MICU2: variants seen among roughly 807,000 people sequenced by gnomAD.
The protein encoded by MICU2 is calcium uptake protein 2, mitochondrial.
MICU2 carries 64 observed loss-of-function variants against 60.4 expected under a neutral mutation model. The ratio of observed to expected loss-of-function variants is 1.06; its 90% CI spans 0.87 to 1.31. MICU2 has a LOEUF of 1.31. Ranked by LOEUF, MICU2 falls within the 50% of genes most tolerant of loss-of-function variation. The pLI, the probability that MICU2 is intolerant of heterozygous loss-of-function variation, is 0.00. For missense variants in MICU2, 569 were observed against 531.0 expected, an observed-to-expected ratio of 1.07 and a Z score of -0.70; for synonymous variants, 201 against 175.0, an observed-to-expected ratio of 1.15 and a Z score of -1.17.
At chr13:21,574,514 T>G (rs1450093270) in intron 1 of MICU2, among the ~76,000 whole-genome samples, 1 of 152,198 alleles carries the variant, frequency 6.6e-6, no homozygotes. Flanking sequence ...GTTTATTGCC[T>G]CTAAAGCAAC....
intron 2 of MICU2, among the ~76,000 whole-genome samples, chr13:21,562,460 CTT>C (rs1269756574): frequency 1.3e-5 from 2 of 152,064 alleles, no homozygotes; most frequent in Non-Finnish European, 2.9e-5. Context: ...GTCTTCCACT[CTT>C]TTTTTGCCTT....
intron 2 of MICU2, among the ~76,000 whole-genome samples, chr13:21,549,537 A>G (rs4770172): frequency 0.35 from 53,067 of 151,884 alleles, 9,627 homozygotes; most frequent in South Asian, 0.41. Flanking sequence ...CCTAATTACA[A>G]CCCTTTCAGA....
intron 9 of MICU2, among the ~76,000 whole-genome samples, chr13:21,502,184 ATATT>A (rs1193986309): frequency 5.3e-5 from 8 of 151,912 alleles, no homozygotes; most frequent in African/African-American, 1.9e-4. Context: ...TAATTGTTAT[ATATT>A]TATCTTGCAG....
chr13:21,522,719 T>A, intron 4 of MICU2, 69 bp from the exon 5 acceptor site: 2 of 1,167,566 alleles, frequency 1.7e-6, no homozygotes, highest in Non-Finnish European at 2.4e-6. Flanking sequence ...ACATTAACAT[T>A]GAAATTTCAC....
Position 21,604,096 on chromosome 13 carries a change from A to G in MICU2, c.53T>C (p.Leu18Pro). The change falls in exon 1 of 12, where the codon CTG becomes CCG. Residue 18 changes from leucine to proline, a missense_variant. By Grantham distance (98) the Leu-to-Pro change is moderately conservative (BLOSUM62 -3). Coordinates refer to ENST00000382374, the MANE Select transcript of MICU2 (RefSeq NM_152726.3). Reference sequence around the variant, plus strand: ...TCGGCTGACAGCGAGCCCCCGTCGCAGTTTTCCGCCCCAGGCCGCCACCCG... The same window carrying G: ...TCGGCTGACAGCGAGCCCCCGTCGCGGTTTTCCGCCCCAGGCCGCCACCCG... ...CARVAAWGGK[L>P]RRGLAVSRQA... The G allele has an allele frequency of 6.3e-7, 1 of 1,592,212 alleles. No homozygotes were observed. Among genetic ancestry groups the G allele is most frequent in the Non-Finnish European group, 8.5e-7 (1 of 1,171,172 alleles).
intron 1 of MICU2, among the ~76,000 whole-genome samples, chr13:21,599,329 A>C (rs1202711167): frequency 6.6e-6 from 1 of 152,268 alleles, no homozygotes; most frequent in African/African-American, 2.4e-5. Flanking sequence ...ATCAAGGCTT[A>C]AGAATGAAGC....
chr13:21,503,085 A>G lies in MICU2; in HGVS notation c.774T>C (p.Asn258=), dbSNP rs1217155986. The G allele has an allele frequency of 1.3e-6, 2 of 1,594,436 alleles. No individual in the cohort carries two copies. The highest frequency in any genetic ancestry group is 1.7e-6 in the Non-Finnish European group (2 of 1,172,970). Residue 258 remains asparagine (N), a synonymous_variant, in exon 9 of 12, where the codon AAT becomes AAC. Transcript: ENST00000382374. ...CCATTTCTTGAATCTCTGTTTGTAA[A>G]TTTTCCATAAATCTGAATGTTAAAA... The part of the protein sequence containing the change: ...HYKEFRRFME[N]LQTEIQEMEF...
chr13:21,533,353 T>C (rs1448985982), intron 4 of MICU2, among the ~76,000 whole-genome samples: 14 of 150,288 alleles, frequency 9.3e-5, no homozygotes. Context: ...AGGCAGAGTC[T>C]TGCTCTGTCT....
intron 4 of MICU2, among the ~76,000 whole-genome samples, chr13:21,533,256 A>G (rs1887046960): frequency 6.6e-6 from 1 of 151,992 alleles, no homozygotes; most frequent in South Asian, 2.1e-4. Context: ...TTTAATAATT[A>G]TCTTTATGAT....
intron 1 of MICU2, among the ~76,000 whole-genome samples, chr13:21,592,986 T>C (rs7998842): frequency 0.023 from 3,456 of 152,298 alleles, 138 homozygotes; most frequent in African/African-American, 0.08. Flanking sequence ...TCACCACTCG[T>C]ATTCAACAGA....
chr13:21,531,330 C>G (rs1192444809), intron 4 of MICU2: 1 of 1,550,548 alleles, frequency 6.4e-7, no homozygotes, highest in East Asian at 2.2e-5. Context: ...GCAATAACAC[C>G]AACCCGAAAA....
At chr13:21,548,240 A>C (rs1199356082) in intron 2 of MICU2, among the ~76,000 whole-genome samples, 1 of 152,204 alleles carries the variant, frequency 6.6e-6, no homozygotes, top group Non-Finnish European at 1.5e-5. Flanking sequence ...ACTTTGTAAA[A>C]AGAAATGTGT....
chr13:21,539,128 T>A (rs753810294), intron 4 of MICU2, among the ~76,000 whole-genome samples, 174 bp downstream of exon 4: 3 of 152,182 alleles, frequency 2.0e-5, no homozygotes, highest in Non-Finnish European at 4.4e-5. Context: ...AAAACATTGA[T>A]GTTTTAATAA....
intron 4 of MICU2, among the ~76,000 whole-genome samples, chr13:21,525,093 A>G (rs1057031773): frequency 2.0e-5 from 3 of 151,802 alleles, no homozygotes; most frequent in African/African-American, 7.3e-5. Flanking sequence ...TGGTGTACAA[A>G]TATTTATCTA....
At chr13:21,550,981 T>C (rs1887546097) in intron 2 of MICU2, among the ~76,000 whole-genome samples, 2 of 152,340 alleles carry the variant, frequency 1.3e-5, no homozygotes, top group South Asian at 2.1e-4. Flanking sequence ...TATTCACTTA[T>C]GTGTGTGGAC....
intron 1 of MICU2, among the ~76,000 whole-genome samples, chr13:21,579,540 CTA>C (rs1479610830): frequency 6.6e-6 from 1 of 152,060 alleles, no homozygotes; most frequent in Non-Finnish European, 1.5e-5. Context: ...AGTGGTTTCA[CTA>C]TGTTGGCCAG....
At chr13:21,592,334 T>C (rs940231109) in intron 1 of MICU2, among the ~76,000 whole-genome samples, 3 of 152,124 alleles carry the variant, frequency 2.0e-5, no homozygotes, top group African/African-American at 7.2e-5. Flanking sequence ...AATCCTTGAA[T>C]AGACCAATAA....
intron 4 of MICU2, among the ~76,000 whole-genome samples, chr13:21,535,744 T>C (rs932698957): frequency 9.2e-5 from 14 of 152,138 alleles, no homozygotes; most frequent in Non-Finnish European, 2.1e-4. Flanking sequence ...ACACAGCTAA[T>C]AGAGCTAGGA....
intron 2 of MICU2, among the ~76,000 whole-genome samples, chr13:21,559,390 C>A (rs1482022988): frequency 1.3e-5 from 2 of 152,152 alleles, no homozygotes; most frequent in Non-Finnish European, 2.9e-5. Flanking sequence ...CACATATATC[C>A]CACTGCACAG....
Sources: gnomAD v4.1 joint callset for allele counts (sites outside exome capture counted in the v4.1 genomes callset) on GRCh38, gnomAD v4.1.1 for gene constraint, MANE v1.5 for transcripts, NCBI Gene and HGNC (gene_info 2026-07-23, HGNC 2026-07-21) for gene names.